Variants in CDC42EP3 observed in about 807,000 individuals in gnomAD.
CDC42EP3 encodes the protein CDC42 effector protein 3.
CDC42EP3 carries 4 observed loss-of-function variants against 15.5 expected under a neutral mutation model. That is an observed-to-expected ratio of 0.26 (90% CI 0.13 to 0.59). CDC42EP3 has a LOEUF of 0.59. CDC42EP3 is among the 20% of genes least tolerant of loss of function. The pLI is 0.89. For synonymous variants in CDC42EP3, 145 were observed against 130.3 expected (o/e 1.11, Z -0.77); for missense variants, 309 against 311.2 (o/e 0.99, Z 0.05).
intron 1 of CDC42EP3, among the ~76,000 whole-genome samples, chr2:37,660,870 G>C (rs1480131283): frequency 6.6e-6 from 1 of 152,032 alleles, no homozygotes; most frequent in Admixed American, 6.6e-5. Context: ...TAGGGAGTGT[G>C]CACAACTAAC....
At chr2:37,661,818 T>C (rs6544098) in intron 1 of CDC42EP3, among the ~76,000 whole-genome samples, 77,556 of 151,960 alleles carry the variant, frequency 0.51, 20,079 homozygotes, top group Non-Finnish European at 0.55. Flanking sequence ...AGGGCCAATC[T>C]CTCTCCTTTT....
chr2:37,655,687 T>G (rs1468164640), intron 1 of CDC42EP3, among the ~76,000 whole-genome samples: 2 of 152,168 alleles, frequency 1.3e-5, no homozygotes, highest in Non-Finnish European at 2.9e-5. Flanking sequence ...GAATCTCTGA[T>G]AAGGCCATTG....
intron 1 of CDC42EP3, among the ~76,000 whole-genome samples, chr2:37,664,319 T>C (rs1448849048): frequency 1.3e-5 from 2 of 152,196 alleles, no homozygotes; most frequent in Non-Finnish European, 2.9e-5. Context: ...GGACCTGGAC[T>C]TACACCAGTG....
chr2:37,662,044 A>G (rs903016884), intron 1 of CDC42EP3, among the ~76,000 whole-genome samples: 3 of 152,132 alleles, frequency 2.0e-5, no homozygotes, highest in South Asian at 4.1e-4. Context: ...CTGTGATTCT[A>G]TTTGCAGAAA....
At position 37,654,487 on chromosome 2, in the gene CDC42EP3, A is replaced by AT. The variant is rs150481476; in HGVS notation, c.-235-7666dup. ...TACCAAGCAGAAACTACAAGGAAAGATTTTGGCTCCTCCAAGTAACAGCTC... is the reference window on the plus strand; with the variant it reads ...TACCAAGCAGAAACTACAAGGAAAGATTTTTGGCTCCTCCAAGTAACAGCTC... On this transcript the variant is annotated intron_variant, in intron 1 of 1. Coordinates refer to ENST00000295324, the MANE Select transcript of CDC42EP3 (RefSeq NM_006449.5). 9.2e-3 allele frequency among the ~76,000 whole-genome samples: 1,394 copies of AT among 152,178 alleles called. 16 individuals carry two copies. The highest frequency in any genetic ancestry group is 0.032 in the African/African-American group (1,315 of 41,506).
chr2:37,643,579 T>G lies in CDC42EP3; in HGVS notation c.*2244A>C, dbSNP rs1350946733. On this transcript the variant is annotated 3_prime_UTR_variant, in exon 2 of 2. Coordinates refer to ENST00000295324, the MANE Select transcript of CDC42EP3 (RefSeq NM_006449.5). Reference sequence around the variant, plus strand: ...GTACTTACCAGAGAGGGAGTAGAGCTAATGCACAGCCATACTCCTCCCCTT... The same window carrying G: ...GTACTTACCAGAGAGGGAGTAGAGCGAATGCACAGCCATACTCCTCCCCTT... The G allele has an allele frequency of 1.3e-5, 2 of 152,212 alleles. No individual in the cohort carries two copies. Among genetic ancestry groups the G allele is most frequent in the Non-Finnish European group, 2.9e-5 (2 of 68,044 alleles). The allele number at this position is 152,212 out of a possible 1,614,324, so 9.4% of individuals were successfully genotyped here. A position where few individuals can be genotyped will look rare whatever the true frequency, so the allele number is the denominator to read the frequency against.
chr2:37,642,822 G>A lies in CDC42EP3; in HGVS notation c.*3001C>T, dbSNP rs962050882. The stretch of plus-strand genomic sequence containing the variant: ...GACTAAACTGTGATTCTGGAGACCC[G>A]GGTTTCTCTTTGCTGTTCAACCAGT... On this transcript the variant is annotated 3_prime_UTR_variant, in exon 2 of 2. Transcript: ENST00000295324. 1.1e-4 allele frequency: 16 copies of A among 152,150 alleles called. No individual in the cohort carries two copies. The highest frequency in any genetic ancestry group is 2.6e-4 in the Admixed American group (4 of 15,280). 9.4% of individuals were successfully genotyped at this position (152,150 alleles called of 1,614,324 possible).
intron 1 of CDC42EP3, among the ~76,000 whole-genome samples, chr2:37,656,761 A>C (rs553775817): frequency 1.3e-5 from 2 of 152,272 alleles, no homozygotes; most frequent in South Asian, 4.1e-4. Flanking sequence ...TGACAGCACC[A>C]AGAGGAAATG....
chr2:37,664,348 A>G (rs921214791), intron 1 of CDC42EP3, among the ~76,000 whole-genome samples: 3 of 152,314 alleles, frequency 2.0e-5, no homozygotes, highest in Middle Eastern at 6.8e-3. Context: ...GAAGGCTCTC[A>G]GGCCTTTGGT....
At chr2:37,665,184 A>C (rs1666212059) in intron 1 of CDC42EP3, among the ~76,000 whole-genome samples, 2 of 152,198 alleles carry the variant, frequency 1.3e-5, no homozygotes, top group South Asian at 2.1e-4. Context: ...AGAAGATACA[A>C]GACACTATGG....
intron 1 of CDC42EP3, among the ~76,000 whole-genome samples, chr2:37,667,471 C>A (rs1295767348): frequency 6.6e-6 from 1 of 152,146 alleles, no homozygotes; most frequent in African/African-American, 2.4e-5. Flanking sequence ...TTCACTTCAT[C>A]CCCAGCCACC....
chr2:37,667,235 A>C (rs542167937), intron 1 of CDC42EP3, among the ~76,000 whole-genome samples: 1 of 152,330 alleles, frequency 6.6e-6, no homozygotes, highest in Admixed American at 6.5e-5. Flanking sequence ...CCATGGACAC[A>C]GCCCAGTGCC....
rs760291443 is a variant in CDC42EP3, at chr2:37,646,368, G to A, written c.220C>T (p.His74Tyr). 33 of 1,613,882 alleles carry A rather than the reference G, an allele frequency of 2.0e-5. No individual in the cohort carries two copies. Among genetic ancestry groups the A allele is most frequent in the Non-Finnish European group, 2.7e-5 (32 of 1,179,980 alleles). ...ELLPGNQEKA[H>Y]LGQFPGHNEF... The stretch of plus-strand genomic sequence containing the variant: ...TTATGCCCAGGGAACTGGCCCAGGT[G>A]TGCTTTCTCCTGGTTTCCAGGTAAA... The change falls in exon 2 of 2, where the codon CAC becomes TAC. Residue 74 changes from histidine to tyrosine, a missense_variant. Coordinates refer to ENST00000295324, the MANE Select transcript of CDC42EP3 (RefSeq NM_006449.5).
rs769079067 is a variant in CDC42EP3, at chr2:37,646,322, C to A, written c.266G>T (p.Ser89Ile). ...PGHNEFFRAN[S>I]TSDSVFTETP... The stretch of plus-strand genomic sequence containing the variant: ...TTCTGTGAACACAGAGTCCGAGGTG[C>A]TGTTGGCCCGGAAGAACTCATTATG... The change falls in exon 2 of 2, where the codon AGC (serine) becomes ATC (isoleucine). Residue 89 changes from serine to isoleucine, a missense_variant. Physicochemically the swap from Ser to Ile is moderately radical, Grantham distance 142 (BLOSUM62 -2). Transcript: ENST00000295324. 1 of 1,614,118 alleles carries A rather than the reference C, an allele frequency of 6.2e-7. No individual in the cohort carries two copies. Among genetic ancestry groups the A allele is most frequent in the Non-Finnish European group, 8.5e-7 (1 of 1,180,016 alleles).
At chr2:37,648,621 G>A (rs1665560182) in intron 1 of CDC42EP3, among the ~76,000 whole-genome samples, 1 of 152,218 alleles carries the variant, frequency 6.6e-6, no homozygotes, top group African/African-American at 2.4e-5. Context: ...AAAGTACGAG[G>A]AGGTTTGCAT....
chr2:37,670,725 CTATTTA>C (rs1558345678), intron 1 of CDC42EP3, among the ~76,000 whole-genome samples: 2 of 152,096 alleles, frequency 1.3e-5, no homozygotes. Context: ...ATGCTACTTT[CTATTTA>C]TAAGATGAAA....
chr2:37,661,159 T>C (rs868003588), intron 1 of CDC42EP3, among the ~76,000 whole-genome samples: 1,728 of 151,778 alleles, frequency 0.011, 30 homozygotes, highest in African/African-American at 0.04. Context: ...TATATATATA[T>C]ACACACACAG....
chr2:37,669,448 T>C (rs1451933117), intron 1 of CDC42EP3, among the ~76,000 whole-genome samples: 1 of 152,218 alleles, frequency 6.6e-6, no homozygotes, highest in East Asian at 1.9e-4. Context: ...TACGGCTTTG[T>C]ATTTATTCAT....
In CDC42EP3 at chr2:37,644,780, T is replaced by C. The variant is rs911424364; in HGVS notation, c.*1043A>G. 2.6e-5 allele frequency: 4 copies of C among 152,156 alleles called. No individual in the cohort carries two copies. The highest frequency in any genetic ancestry group is 2.6e-4 in the Admixed American group (4 of 15,268). The allele number at this position is 152,156 out of a possible 1,614,324, so 9.4% of individuals were successfully genotyped here. On this transcript the variant is annotated 3_prime_UTR_variant, in exon 2 of 2. Transcript: ENST00000295324. ...CTCATGTACATTTCAGAGAAGCAAT[T>C]TCTCTAGCTATACTTATTCTCTTAT...
Sources: gnomAD v4.1 joint callset for allele counts (sites outside exome capture counted in the v4.1 genomes callset) on GRCh38, gnomAD v4.1.1 for gene constraint, MANE v1.5 for transcripts, NCBI Gene and HGNC (gene_info 2026-07-23, HGNC 2026-07-21) for gene names.